The following PIWIL2 variants were observed in gnomAD, a reference collection of about 807,000 sequenced individuals.
PIWIL2 encodes piwi like RNA-mediated gene silencing 2, also known as piwi-like protein 2.
Under a neutral mutation model 116.5 loss-of-function variants are expected in PIWIL2, and 81 were observed. The ratio of observed to expected loss-of-function variants is 0.70; its 90% CI spans 0.58 to 0.84. The LOEUF is 0.84. Among genes scored for constraint, PIWIL2 ranks in the 40% least tolerant of loss-of-function variants. PIWIL2 has a pLI of 0.00. For missense variants in PIWIL2, 1,272 were observed against 1,212.3 expected (o/e 1.05, Z -0.73); for synonymous variants, 489 against 429.5 (o/e 1.14, Z -1.71).
intron 20 of PIWIL2, among the ~76,000 whole-genome samples, chr8:22,321,388 C>A (rs528580938): frequency 4.6e-5 from 7 of 152,178 alleles, no homozygotes; most frequent in African/African-American, 1.7e-4. Flanking sequence ...GCTGGGATTA[C>A]GGGCATGAGC....
chr8:22,300,600 T>C (rs1330180951), intron 10 of PIWIL2, among the ~76,000 whole-genome samples: 1 of 152,246 alleles, frequency 6.6e-6, no homozygotes, highest in Admixed American at 6.5e-5. Flanking sequence ...GTGTCTGTAC[T>C]GTTTTACATT....
chr8:22,291,300 G>A (rs1162655356), intron 10 of PIWIL2, among the ~76,000 whole-genome samples: 2 of 151,930 alleles, frequency 1.3e-5, no homozygotes, highest in Non-Finnish European at 2.9e-5. Context: ...ACAGGTGCAT[G>A]CCTCCATGTC....
At chr8:22,333,873 T>C (rs1317558559) in intron 20 of PIWIL2, among the ~76,000 whole-genome samples, 1 of 151,956 alleles carries the variant, frequency 6.6e-6, no homozygotes, top group Non-Finnish European at 1.5e-5. Context: ...ATATGAATTA[T>C]AGCTCAGATT....
At chr8:22,329,344 T>C (rs1831805000) in intron 20 of PIWIL2, among the ~76,000 whole-genome samples, 1 of 152,238 alleles carries the variant, frequency 6.6e-6, no homozygotes, top group African/African-American at 2.4e-5. Flanking sequence ...CTCATGGTTC[T>C]GCAGGCTTTA....
intron 1 of PIWIL2, among the ~76,000 whole-genome samples, chr8:22,277,623 G>A (rs1349786888): frequency 6.6e-6 from 1 of 151,956 alleles, no homozygotes; most frequent in Non-Finnish European, 1.5e-5. Flanking sequence ...CTCCCACCTG[G>A]GCCTCCCAGA....
chr8:22,276,297 T>C (rs746268716), intron 1 of PIWIL2, among the ~76,000 whole-genome samples: 2 of 152,226 alleles, frequency 1.3e-5, no homozygotes, highest in Non-Finnish European at 2.9e-5. Context: ...TAGCTAATAC[T>C]TAAGACAGCT....
intron 19 of PIWIL2, 135 bp downstream of exon 19, chr8:22,316,468 A>C (rs1210932566): frequency 6.0e-4 from 325 of 537,990 alleles, no homozygotes; most frequent in East Asian, 1.8e-3. Flanking sequence ...CTCTATCTTC[A>C]TGTGAATTTT....
chr8:22,294,899 G>GAAAAAAAAAAAAAA (rs375806332), intron 10 of PIWIL2, among the ~76,000 whole-genome samples: 1 of 79,452 alleles, frequency 1.3e-5, no homozygotes, highest in African/African-American at 6.9e-5. Context: ...CATCTTTACT[G>GAAAAAAAAAAAAAA]GAAAAAAAAA....
intron 15 of PIWIL2, among the ~76,000 whole-genome samples, chr8:22,310,523 CCAGATATATAAAAA>C (rs1331937714): frequency 6.6e-6 from 1 of 151,962 alleles, no homozygotes; most frequent in Non-Finnish European, 1.5e-5. Flanking sequence ...GACTTCATGG[CCAGATATATAAAAA>C]CAGATATATA....
chr8:22,322,256 C>T (rs372904238), intron 20 of PIWIL2, among the ~76,000 whole-genome samples: 1 of 151,854 alleles, frequency 6.6e-6, no homozygotes, highest in Non-Finnish European at 1.5e-5. Context: ...GCCCCTCCCC[C>T]CCACCTTTTT....
chr8:22,351,911 G>A (rs1226406278), intron 20 of PIWIL2, among the ~76,000 whole-genome samples: 6 of 151,706 alleles, frequency 4.0e-5, no homozygotes, highest in Non-Finnish European at 5.9e-5. Context: ...AATCAAAACT[G>A]AATTAAACTA....
intron 10 of PIWIL2, among the ~76,000 whole-genome samples, chr8:22,299,424 T>G (rs1345211264): frequency 4.6e-5 from 7 of 152,138 alleles, no homozygotes; most frequent in Admixed American, 4.6e-4. Flanking sequence ...GTCAGACTGG[T>G]CTTGAACTCC....
In PIWIL2 at chr8:22,296,020, C is replaced by CTTTTTTTTTTTTTTTTTTT. The variant is rs67357452; in HGVS notation, c.1181+5694_1181+5712dup. Among the ~76,000 whole-genome samples the CTTTTTTTTTTTTTTTTTTT allele has an allele frequency of 1.2e-4, 12 of 102,844 alleles. 1 individual carries two copies. Among genetic ancestry groups the CTTTTTTTTTTTTTTTTTTT allele is most frequent in the Non-Finnish European group, 2.2e-4 (11 of 49,160 alleles). 67.5% of individuals were successfully genotyped at this position (102,844 alleles called of 152,430 possible). On this transcript the variant is annotated intron_variant, in intron 10 of 22. Transcript: ENST00000356766. ...ACTGTCTTGGGGTTCCTCTTCCCTT[C>CTTTTTTTTTTTTTTTTTTT]TTTTTTTTTTTTTTTTTTTTTTTTT...
chr8:22,310,633 A>G (rs1586565972), intron 15 of PIWIL2, among the ~76,000 whole-genome samples: 2 of 128,510 alleles, frequency 1.6e-5, no homozygotes. Flanking sequence ...TTTTTAATTA[A>G]ATAGACCTGT....
intron 20 of PIWIL2, among the ~76,000 whole-genome samples, chr8:22,326,827 TC>T (rs371529049): frequency 1.5e-3 from 233 of 152,280 alleles, no homozygotes; most frequent in African/African-American, 5.3e-3. Flanking sequence ...TTGTTTAAGT[TC>T]CCATTTTCAG....
At chr8:22,290,050 T>A in intron 9 of PIWIL2, 123 bp downstream of exon 9, 1 of 740,106 alleles carries the variant, frequency 1.4e-6, no homozygotes, top group Non-Finnish European at 2.3e-6. Flanking sequence ...GTTTATCAAT[T>A]AAATCTCTTC....
At chr8:22,281,793 A>G (rs1404697231) in intron 4 of PIWIL2, among the ~76,000 whole-genome samples, 32 of 116,804 alleles carry the variant, frequency 2.7e-4, no homozygotes, top group Middle Eastern at 6.3e-3. Context: ...TTTTTTTGAG[A>G]TGAAGTTTTG....
At position 22,283,109 on chromosome 8, in the gene PIWIL2, G is replaced by C; in HGVS notation, c.501G>C (p.Val167=). 6.2e-7 allele frequency: 1 copy of C among 1,614,118 alleles called. No homozygotes were observed. Among genetic ancestry groups the C allele is most frequent in the Non-Finnish European group, 8.5e-7 (1 of 1,180,012 alleles). The change falls in exon 5 of 23, where the codon GTG becomes GTC. Residue 167 remains valine, a synonymous_variant. Coordinates refer to ENST00000356766, the MANE Select transcript of PIWIL2 (RefSeq NM_018068.5). ...CAGCAGGTGGTATCAGCAGAGAAGT[G>C]GACAAGCCTCCCTGTACCTTCAGCA... The part of the protein sequence containing the change: ...GRAAGGISRE[V]DKPPCTFSTP...
chr8:22,322,006 C>A (rs1831610635), intron 20 of PIWIL2: 1 of 983,868 alleles, frequency 1.0e-6, no homozygotes, highest in Admixed American at 6.2e-5. Flanking sequence ...TAAAATGCTT[C>A]CAAATACTGT....
Sources: allele counts gnomAD v4.1 joint callset (sites outside exome capture counted in the v4.1 genomes callset), GRCh38; gene constraint gnomAD v4.1.1; transcripts MANE v1.5; gene names NCBI Gene and HGNC (gene_info 2026-07-23, HGNC 2026-07-21).